LMNTD1: variants seen among roughly 807,000 people sequenced by gnomAD.
The protein encoded by LMNTD1 is lamin tail domain-containing protein 1.
In LMNTD1, 35 loss-of-function variants were observed where a neutral mutation model predicts 50.9. The ratio of observed to expected loss-of-function variants is 0.69; its 90% CI spans 0.53 to 0.91. The LOEUF (loss-of-function observed/expected upper bound fraction) is 0.91, where lower values mean the gene tolerates loss of function less well. LMNTD1 is among the 40% of genes least tolerant of loss of function. The pLI, the probability that LMNTD1 is intolerant of heterozygous loss-of-function variation, is 0.00. For synonymous variants in LMNTD1, 153 were observed against 161.9 expected, an observed-to-expected ratio of 0.94 and a Z score of 0.42; for missense variants, 470 against 475.5, an observed-to-expected ratio of 0.99 and a Z score of 0.11.
intron 4 of LMNTD1, among the ~76,000 whole-genome samples, chr12:25,527,729 C>G (rs1167571947): frequency 7.7e-6 from 1 of 129,842 alleles, no homozygotes; most frequent in Admixed American, 8.0e-5. Context: ...CATATACACA[C>G]ATATATATAC....
At chr12:25,527,225 C>T (rs1167291836) in intron 4 of LMNTD1, among the ~76,000 whole-genome samples, 1 of 151,942 alleles carries the variant, frequency 6.6e-6, no homozygotes, top group South Asian at 2.1e-4. Flanking sequence ...ATAAAAGCCA[C>T]AGGAAGTTGA....
At chr12:25,527,673 T>TACAC (rs1433172011) in intron 4 of LMNTD1, among the ~76,000 whole-genome samples, 4 of 21,458 alleles carry the variant, frequency 1.9e-4, no homozygotes, top group Admixed American at 7.3e-4. Context: ...TATATATATA[T>TACAC]ATATATATAC....
chr12:25,483,753 A>G (rs1214789713), intron 9 of LMNTD1, among the ~76,000 whole-genome samples: 2 of 134,138 alleles, frequency 1.5e-5, no homozygotes, highest in Admixed American at 1.6e-4. Flanking sequence ...AGCCAGGGCG[A>G]CAGAGTGACA....
At chr12:25,553,329 T>G, upstream of LMNTD1, 1 of 1,178,286 alleles carries the variant, frequency 8.5e-7, no homozygotes, top group Non-Finnish European at 1.1e-6. Flanking sequence ...TATGAGGTAA[T>G]GTCTCCATAG....
upstream of LMNTD1, among the ~76,000 whole-genome samples, chr12:25,554,389 A>T (rs968470194): frequency 2.0e-5 from 3 of 152,252 alleles, no homozygotes; most frequent in Non-Finnish European, 4.4e-5. Context: ...GGAGAAATAA[A>T]ATTCTGTCAG....
chr12:25,534,666 G>T (rs1035514966), intron 4 of LMNTD1, among the ~76,000 whole-genome samples: 3 of 152,176 alleles, frequency 2.0e-5, no homozygotes, highest in African/African-American at 7.2e-5. Flanking sequence ...TGTAGAAAAA[G>T]ACTATTTTGA....
At chr12:25,598,369 AC>A (rs1177166628) in intron 1 of LMNTD1, among the ~76,000 whole-genome samples, 2 of 151,900 alleles carry the variant, frequency 1.3e-5, no homozygotes, top group African/African-American at 4.8e-5. Flanking sequence ...ACTAAGAGGG[AC>A]CTTTTTAGCT....
At chr12:25,606,297 G>C (rs528288340) in intron 1 of LMNTD1, among the ~76,000 whole-genome samples, 18 of 152,164 alleles carry the variant, frequency 1.2e-4, no homozygotes, top group South Asian at 6.2e-4. Flanking sequence ...AATTTGACTT[G>C]CTCTTTTCCT....
chr12:25,646,206 T>C (rs999794768), intron 1 of LMNTD1, among the ~76,000 whole-genome samples: 1 of 152,022 alleles, frequency 6.6e-6, no homozygotes, highest in African/African-American at 2.4e-5. Flanking sequence ...GACGTACCCC[T>C]TGCCCACCAA....
At chr12:25,607,385 T>G (rs953998004) in intron 1 of LMNTD1, among the ~76,000 whole-genome samples, 2 of 152,086 alleles carry the variant, frequency 1.3e-5, no homozygotes, top group South Asian at 2.1e-4. Context: ...GCTTTTGAAT[T>G]TGTTTGCTCT....
intron 4 of LMNTD1, among the ~76,000 whole-genome samples, chr12:25,530,824 T>G (rs2136116807): frequency 6.6e-6 from 1 of 152,324 alleles, no homozygotes; most frequent in African/African-American, 2.4e-5. Context: ...CAAAAAGGAC[T>G]TTGCAGATAT....
chr12:25,558,358 A>G (rs549320438), intron 1 of LMNTD1, among the ~76,000 whole-genome samples: 23 of 152,262 alleles, frequency 1.5e-4, no homozygotes, highest in Non-Finnish European at 2.8e-4. Flanking sequence ...CAGATGCATC[A>G]TCAGACCTGT....
At chr12:25,558,732 G>A (rs953038983) in intron 1 of LMNTD1, among the ~76,000 whole-genome samples, 3 of 152,180 alleles carry the variant, frequency 2.0e-5, no homozygotes, top group South Asian at 4.1e-4. Flanking sequence ...AGGCAAGAGA[G>A]CATGTGCAGG....
chr12:25,594,385 T>C (rs756919504), intron 1 of LMNTD1, among the ~76,000 whole-genome samples: 19 of 152,274 alleles, frequency 1.2e-4, no homozygotes, highest in Non-Finnish European at 2.4e-4. Context: ...CCCTATGAGC[T>C]AGAAGGGATT....
chr12:25,569,094 G>A (rs1391515145), intron 1 of LMNTD1, among the ~76,000 whole-genome samples: 1 of 152,236 alleles, frequency 6.6e-6, no homozygotes, highest in African/African-American at 2.4e-5. Context: ...GCCTAGAAAA[G>A]CCACAAGCAC....
At chr12:25,647,413 T>TG (rs917109733) in intron 1 of LMNTD1, among the ~76,000 whole-genome samples, 3 of 151,956 alleles carry the variant, frequency 2.0e-5, no homozygotes, top group African/African-American at 4.8e-5. Context: ...GGCTTGAGCC[T>TG]GGGGGGGCAG....
In LMNTD1 at chr12:25,634,493, G is replaced by A. The variant is rs116848726; in HGVS notation, c.58+14001C>T. On this transcript the variant is annotated intron_variant, in intron 1 of 7. Coordinates refer to the LMNTD1 transcript ENST00000445693. ...AAAGATAATCCAACATTATCAAGTG[G>A]GCTTCATACTAGGGATGCAGGGATG... is the stretch of plus-strand genomic sequence containing the variant. Among the ~76,000 whole-genome samples, 1,196 of 152,196 alleles carry A rather than the reference G, an allele frequency of 7.9e-3. 8 individuals are homozygous for A. Among genetic ancestry groups the A allele is most frequent in the Non-Finnish European group, 9.8e-3 (666 of 68,018 alleles).
intron 9 of LMNTD1, among the ~76,000 whole-genome samples, chr12:25,489,327 G>C (rs1938798210): frequency 6.6e-6 from 1 of 150,878 alleles, no homozygotes; most frequent in African/African-American, 2.4e-5. Context: ...ATATAGTCTG[G>C]TGGTGCGCCG....
intron 1 of LMNTD1, among the ~76,000 whole-genome samples, chr12:25,581,433 CTT>C (rs531550766): frequency 1.3e-5 from 2 of 152,198 alleles, no homozygotes; most frequent in South Asian, 4.2e-4. Flanking sequence ...TTCTCTGACT[CTT>C]TGAACCTATT....
Sources: allele counts gnomAD v4.1 joint callset (sites outside exome capture counted in the v4.1 genomes callset), GRCh38; gene constraint gnomAD v4.1.1; transcripts MANE v1.5; gene names NCBI Gene and HGNC (gene_info 2026-07-23, HGNC 2026-07-21).